The following TAFA5 variants were observed in gnomAD, a reference collection of about 807,000 sequenced individuals.
TAFA5 encodes the protein TAFA chemokine like family member 5.
TAFA5 carries 6 observed loss-of-function variants against 15.3 expected under a neutral mutation model. The observed-to-expected ratio is 0.39, with a 90% CI of 0.21 to 0.77. The LOEUF (loss-of-function observed/expected upper bound fraction) is 0.77. Ranked by LOEUF, TAFA5 falls within the 30% of genes least tolerant of loss-of-function variation. TAFA5 has a pLI of 0.41. For synonymous variants in TAFA5, 103 were observed against 80.7 expected (o/e 1.28, Z -1.48); for missense variants, 161 against 193.1 (o/e 0.83, Z 0.98).
chr22:48,496,325 G>A (rs1928322568), intron 1 of TAFA5, among the ~76,000 whole-genome samples: 1 of 140,656 alleles, frequency 7.1e-6, no homozygotes, highest in Non-Finnish European at 1.5e-5. Flanking sequence ...GTGAGCTGTT[G>A]GGCTGTGAGC....
At chr22:48,679,716 T>C (rs1286810657) in intron 2 of TAFA5, among the ~76,000 whole-genome samples, 1 of 95,822 alleles carries the variant, frequency 1.0e-5, no homozygotes, top group Non-Finnish European at 2.0e-5. Flanking sequence ...TCCATCCCTC[T>C]CCCGGCTCCC....
At chr22:48,625,851 C>T (rs1374527857) in intron 1 of TAFA5, among the ~76,000 whole-genome samples, 1 of 152,214 alleles carries the variant, frequency 6.6e-6, no homozygotes, top group East Asian at 1.9e-4. Flanking sequence ...ACTATTCATT[C>T]CTCTTTCCCC....
chr22:48,499,606 G>A (rs1199337894), intron 1 of TAFA5, among the ~76,000 whole-genome samples: 1 of 152,194 alleles, frequency 6.6e-6, no homozygotes, highest in Non-Finnish European at 1.5e-5. Flanking sequence ...GGGGGGTGGC[G>A]CCGGGGTCAG....
chr22:48,585,693 T>C (rs762644894), intron 1 of TAFA5, among the ~76,000 whole-genome samples: 3 of 149,258 alleles, frequency 2.0e-5, no homozygotes, highest in Non-Finnish European at 4.5e-5. Flanking sequence ...ATACACAACG[T>C]ATACACAGAC....
chr22:48,553,696 C>T (rs538650992), intron 1 of TAFA5, among the ~76,000 whole-genome samples: 3 of 152,324 alleles, frequency 2.0e-5, no homozygotes, highest in East Asian at 1.9e-4. Flanking sequence ...GGTGCAGGCC[C>T]GTCTGCCTCC....
chr22:48,716,062 G>A (rs970819181), intron 3 of TAFA5, among the ~76,000 whole-genome samples: 2 of 152,158 alleles, frequency 1.3e-5, no homozygotes, highest in African/African-American at 4.8e-5. Context: ...TTGTAGATGT[G>A]TAGTGTTATT....
intron 3 of TAFA5, among the ~76,000 whole-genome samples, chr22:48,721,178 G>T (rs534458207): frequency 6.6e-6 from 1 of 152,226 alleles, no homozygotes; most frequent in African/African-American, 2.4e-5. Context: ...CTAGGGGAAG[G>T]ATAGAGTCCC....
chr22:48,508,505 T>C (rs1462641589), intron 1 of TAFA5, among the ~76,000 whole-genome samples: 1 of 152,168 alleles, frequency 6.6e-6, no homozygotes, highest in Non-Finnish European at 1.5e-5. Flanking sequence ...GTGGGCGCCC[T>C]GAGGCTGCTG....
chr22:48,605,432 G>T (rs200132656), intron 1 of TAFA5, among the ~76,000 whole-genome samples: 2 of 51,114 alleles, frequency 3.9e-5, no homozygotes, highest in Non-Finnish European at 8.7e-5. Flanking sequence ...GGTGGTGGTG[G>T]TGGTGGTGGT....
chr22:48,733,414 C>T (rs1394395193), intron 3 of TAFA5, among the ~76,000 whole-genome samples: 2 of 152,192 alleles, frequency 1.3e-5, no homozygotes, highest in South Asian at 2.1e-4. Flanking sequence ...TATGTCTTTT[C>T]AAATGGAACC....
intron 2 of TAFA5, among the ~76,000 whole-genome samples, chr22:48,686,341 G>A (rs533747634): frequency 6.6e-6 from 1 of 152,200 alleles, no homozygotes; most frequent in Non-Finnish European, 1.5e-5. Flanking sequence ...GTAGGGTCGG[G>A]TTCTGGTGAG....
At chr22:48,562,401 G>T (rs906058768) in intron 1 of TAFA5, among the ~76,000 whole-genome samples, 1 of 152,176 alleles carries the variant, frequency 6.6e-6, no homozygotes, top group Non-Finnish European at 1.5e-5. Context: ...GCCTCCCAAA[G>T]TGCTGGGATT....
Position 48,502,671 on chromosome 22 carries a change from G to A in TAFA5, c.112+12967G>A, listed in dbSNP as rs773550407. On this transcript the variant is annotated intron_variant, in intron 1 of 3. Transcript: ENST00000402357. ...CGAGTAGCTGAGACTACAGGCGCCC[G>A]CCACCACACCTGGCTAATTTTTGTA... Among the ~76,000 whole-genome samples the A allele has an allele frequency of 9.2e-5, 14 of 151,828 alleles. 1 individual carries two copies. The highest frequency in any genetic ancestry group is 3.4e-3 in the Middle Eastern group (1 of 294).
In TAFA5 at chr22:48,640,540, T is replaced by TGGGCAGGGCA. The variant is rs199871305; in HGVS notation, c.113-6047_113-6038dup. Reference sequence around the variant, plus strand: ...TTTGGCTTAGACACAGCCAGCTGGGTGGGCAGGGCAGGGCAGGGCTGGGCT... The same window carrying TGGGCAGGGCA: ...TTTGGCTTAGACACAGCCAGCTGGGTGGGCAGGGCAGGGCAGGGCAGGGCAGGGCTGGGCT... On this transcript the variant is annotated intron_variant, in intron 1 of 3. Coordinates refer to ENST00000402357, the MANE Select transcript of TAFA5 (RefSeq NM_001082967.3). Among the ~76,000 whole-genome samples the TGGGCAGGGCA allele has an allele frequency of 2.1e-3, 320 of 150,848 alleles. 7 individuals are homozygous for TGGGCAGGGCA. In the East Asian group the frequency reaches 0.054, roughly 25 times the overall value.
intron 1 of TAFA5, among the ~76,000 whole-genome samples, chr22:48,581,801 A>T (rs1393252179): frequency 6.6e-6 from 1 of 152,162 alleles, no homozygotes; most frequent in South Asian, 2.1e-4. Context: ...TATAAACCTC[A>T]TTTAAAATAC....
At position 48,715,650 on chromosome 22, in the gene TAFA5, C is replaced by T. The variant is rs577557346; in HGVS notation, c.390+7806C>T. Among the ~76,000 whole-genome samples the T allele has an allele frequency of 7.9e-5, 12 of 152,318 alleles. No individual in the cohort carries two copies. The South Asian group carries it at 2.1e-3, about 26-fold the overall frequency. On this transcript the variant is annotated intron_variant, in intron 3 of 3. Transcript: ENST00000402357. ...CCCCTGAGCCCTGTAGGTGTCATTACCCCAAGCCTGTCCTGCTGGAGAGAA... is the reference window on the plus strand; with the variant it reads ...CCCCTGAGCCCTGTAGGTGTCATTATCCCAAGCCTGTCCTGCTGGAGAGAA...
At chr22:48,595,625 G>A (rs187163164) in intron 1 of TAFA5, among the ~76,000 whole-genome samples, 72 of 152,378 alleles carry the variant, frequency 4.7e-4, no homozygotes, top group African/African-American at 1.6e-3. Flanking sequence ...ATCTCCAGAC[G>A]TGCTGCCACA....
At chr22:48,692,976 GA>G (rs998118194) in intron 2 of TAFA5, among the ~76,000 whole-genome samples, 4 of 152,196 alleles carry the variant, frequency 2.6e-5, no homozygotes, top group Non-Finnish European at 5.9e-5. Flanking sequence ...GTCATCTTGA[GA>G]ACAGTGTAAG....
rs578200346 is a variant in TAFA5 at position 48,733,205 on chromosome 22, G to C, written c.391-16634G>C. Among the ~76,000 whole-genome samples, 24 of 152,322 alleles carry C rather than the reference G, an allele frequency of 1.6e-4. No individual in the cohort carries two copies. In the South Asian group the frequency reaches 4.6e-3, roughly 29 times the overall value. On this transcript the variant is annotated intron_variant, in intron 3 of 3. Coordinates refer to ENST00000402357, the MANE Select transcript of TAFA5 (RefSeq NM_001082967.3). ...TAAAAAGTCTTCTAATTCAATAGAT[G>C]CTGGGAAAGTCACTAGGGGGACACA... is the stretch of plus-strand genomic sequence containing the variant.
Sources: gnomAD v4.1 joint callset for allele counts (sites outside exome capture counted in the v4.1 genomes callset) on GRCh38, gnomAD v4.1.1 for gene constraint, MANE v1.5 for transcripts, NCBI Gene and HGNC (gene_info 2026-07-23, HGNC 2026-07-21) for gene names.